Variants in RIF1 observed in about 807,000 individuals in gnomAD.
The protein encoded by RIF1 is telomere-associated protein RIF1.
A neutral mutation model predicts 247.1 loss-of-function variants in RIF1; 45 were observed. The observed-to-expected ratio is 0.18, with a 90% CI of 0.14 to 0.23. The LOEUF (loss-of-function observed/expected upper bound fraction) is 0.23, where lower values mean the gene tolerates loss of function less well. Ranked by LOEUF, RIF1 falls within the 10% of genes least tolerant of loss-of-function variation. RIF1 has a pLI of 1.00. For synonymous variants in RIF1, 1,087 were observed against 978.8 expected (o/e 1.11, Z -2.06); for missense variants, 2,967 against 2,862.5 (o/e 1.04, Z -0.83).
chr2:151,438,170 A>G (rs1009046832), intron 13 of RIF1, among the ~76,000 whole-genome samples: 89 of 152,214 alleles, frequency 5.8e-4, no homozygotes, highest in Non-Finnish European at 7.3e-5. Flanking sequence ...TTAACATGTT[A>G]TAGTTGTTTT....
At chr2:151,486,058 A>G (rs941478676), downstream of RIF1, 5 of 972,124 alleles carry the variant, frequency 5.1e-6, no homozygotes, top group African/African-American at 8.2e-5. Context: ...AGAATGTGCA[A>G]GCATCAACAA....
At chr2:151,509,651 C>T (rs776851201), downstream of RIF1, among the ~76,000 whole-genome samples, 17 of 151,904 alleles carry the variant, frequency 1.1e-4, no homozygotes, top group Non-Finnish European at 2.2e-4. Context: ...TTTTTTGAGG[C>T]GGAGTTTCGC....
rs558736569 is a variant in RIF1 at position 151,421,402 on chromosome 2, C to G, written c.693+1023C>G. ...AAGAGAACTATGAGGGCAAAAGGCC[C>G]TGCTCTAATGGTTGTGTACCTGGTT... On this transcript the variant is annotated intron_variant, in intron 7 of 35. Transcript: ENST00000444746. Among the ~76,000 whole-genome samples the G allele has an allele frequency of 8.8e-4, 134 of 152,284 alleles. 3 individuals are homozygous for G. The South Asian group carries it at 0.025, about 28-fold the overall frequency.
intron 20 of RIF1, 48 bp downstream of exon 20, chr2:151,446,623 C>A (rs1353943113): frequency 7.0e-6 from 11 of 1,562,542 alleles, no homozygotes; most frequent in Non-Finnish European, 9.6e-6. Context: ...TTAAAGGATT[C>A]TTTTCAAGTA....
the RIF1 span, chr2:151,534,369 C>A: frequency 6.6e-7 from 1 of 1,514,292 alleles, no homozygotes; most frequent in South Asian, 1.1e-5. Flanking sequence ...TTCAAGGCTA[C>A]ACAAAAATGT....
downstream of RIF1, among the ~76,000 whole-genome samples, chr2:151,486,987 AAAG>A (rs1468408399): frequency 6.6e-6 from 1 of 152,216 alleles, no homozygotes; most frequent in East Asian, 1.9e-4. Flanking sequence ...GGTTGGAAAA[AAAG>A]CTTAAAATCA....
Position 151,491,714 on chromosome 2 carries a change from G to T in RIF1, c.*416-3515G>T, listed in dbSNP as rs765813999. The T allele has an allele frequency of 1.3e-6, 2 of 1,598,122 alleles. No individual in the cohort carries two copies. The highest frequency in any genetic ancestry group is 3.5e-5 in the Admixed American group (2 of 57,938). ...TCATGTGTAAGCTTCGGGACTGGAT[G>T]TTGTCTTCTGCTGGATCATAGTCAA... On this transcript the variant is annotated intron_variant and NMD_transcript_variant, in intron 9 of 13. Coordinates refer to the RIF1 transcript ENST00000454583.
Position 151,465,660 on chromosome 2 carries a change from A to G in RIF1, c.6140A>G (p.Lys2047Arg). ...GETENEGITT[K>R]TSKPDEAETN... ...ACAGAGAATGAGGGCATAACTACCAAAACCTCAAAGCCTGATGAAGCTGAA... is the reference window on the plus strand; with the variant it reads ...ACAGAGAATGAGGGCATAACTACCAGAACCTCAAAGCCTGATGAAGCTGAA... The change falls in exon 30 of 36, where the codon AAA (lysine) becomes AGA (arginine). Residue 2047 changes from lysine to arginine, a missense_variant. Transcript: ENST00000444746. 1 of 1,614,158 alleles carries G rather than the reference A, an allele frequency of 6.2e-7. No individual in the cohort carries two copies. Among genetic ancestry groups the G allele is most frequent in the Non-Finnish European group, 8.5e-7 (1 of 1,180,018 alleles).
At chr2:151,446,366 T>G in intron 19 of RIF1, 60 bp from the exon 20 acceptor site, 5 of 1,438,334 alleles carry the variant, frequency 3.5e-6, no homozygotes, top group Non-Finnish European at 4.8e-6. Context: ...GTATTGATTC[T>G]ATAAACTTTG....
intron 10 of RIF1, chr2:151,496,882 A>C: frequency 2.7e-6 from 4 of 1,460,010 alleles, no homozygotes; most frequent in Non-Finnish European, 3.7e-6. Context: ...GTATTATTTT[A>C]AATCATGAAA....
chr2:151,437,112 T>G (rs2152342333), intron 12 of RIF1, 109 bp downstream of exon 12: 1 of 1,197,082 alleles, frequency 8.4e-7, no homozygotes, highest in Non-Finnish European at 1.2e-6. Context: ...TTTACAGTTG[T>G]GTATGAAATA....
rs752116424 is a variant in RIF1 at position 151,461,249 on chromosome 2, A to G, written c.3187A>G (p.Ile1063Val). 3 of 1,613,306 alleles carry G rather than the reference A, an allele frequency of 1.9e-6. No individual in the cohort carries two copies. The highest frequency in any genetic ancestry group is 2.5e-6 in the Non-Finnish European group (3 of 1,179,816). The change falls in exon 27 of 36, where the codon ATA becomes GTA. Residue 1063 changes from isoleucine (I) to valine (V), a missense_variant. Coordinates refer to ENST00000444746, the MANE Select transcript of RIF1 (RefSeq NM_018151.5). The part of the protein sequence containing the change: ...PPEGKDAKER[I>V]LTDHQKEVLK... Reference sequence around the variant, plus strand: ...AGAAGGAAAAGATGCAAAGGAAAGAATATTAACTGATCATCAAAAAGAAGT... The same window carrying G: ...AGAAGGAAAAGATGCAAAGGAAAGAGTATTAACTGATCATCAAAAAGAAGT...
At chr2:151,518,316 A>C in the RIF1 span, 5 of 1,589,860 alleles carry the variant, frequency 3.1e-6, no homozygotes, top group Admixed American at 1.7e-5. Flanking sequence ...TGATCCACTT[A>C]CTATACTCTG....
the RIF1 span, chr2:151,534,289 T>G: frequency 6.2e-7 from 1 of 1,613,652 alleles, no homozygotes; most frequent in Non-Finnish European, 8.5e-7. Context: ...TATTTATCTT[T>G]CCGCTGCTCA....
the RIF1 span, among the ~76,000 whole-genome samples, chr2:151,528,535 T>C: frequency 6.6e-6 from 1 of 152,210 alleles, no homozygotes; most frequent in East Asian, 1.9e-4. Context: ...CCTCAATCCA[T>C]CCTCAGGATA....
chr2:151,501,212 A>T (rs1390353762), intron 11 of RIF1, among the ~76,000 whole-genome samples: 1 of 152,242 alleles, frequency 6.6e-6, no homozygotes, highest in African/African-American at 2.4e-5. Flanking sequence ...TAGAAAGTAT[A>T]AAATGTTTGT....
At chr2:151,505,332 A>C in intron 12 of RIF1, 1 of 697,106 alleles carries the variant, frequency 1.4e-6, no homozygotes, top group East Asian at 2.5e-5. Context: ...TGCAACCTGT[A>C]GTGACCCCAT....
chr2:151,412,258 A>G (rs1438410178), intron 3 of RIF1, among the ~76,000 whole-genome samples: 2 of 17,244 alleles, frequency 1.2e-4, no homozygotes, highest in Non-Finnish European at 1.5e-3. Context: ...TTTATCTCCA[A>G]AGTTTGAGTT....
At chr2:151,443,224 G>A (rs371767732) in intron 16 of RIF1, 35 bp from the exon 17 acceptor site, 10 of 1,250,764 alleles carry the variant, frequency 8.0e-6, no homozygotes, top group Non-Finnish European at 1.0e-5. Flanking sequence ...TCTATTCTTT[G>A]TAACTGAGAA....
Sources: gnomAD v4.1 joint callset for allele counts (sites outside exome capture counted in the v4.1 genomes callset) on GRCh38, gnomAD v4.1.1 for gene constraint, MANE v1.5 for transcripts, NCBI Gene and HGNC (gene_info 2026-07-23, HGNC 2026-07-21) for gene names.